Variants in PHF2 observed in about 807,000 individuals in gnomAD.
PHF2 encodes the protein lysine-specific demethylase PHF2.
A neutral mutation model predicts 120.5 loss-of-function variants in PHF2; 27 were observed. That is an observed-to-expected ratio of 0.22 (90% CI 0.17 to 0.31). The LOEUF is 0.31. Among genes scored for constraint, PHF2 ranks in the 10% least tolerant of loss-of-function variants. PHF2 has a pLI of 1.00. For synonymous variants in PHF2, 568 were observed against 592.5 expected (o/e 0.96, Z 0.60); for missense variants, 1,024 against 1,434.8 (o/e 0.71, Z 4.63).
At chr9:93,605,505 A>G (rs546861499) in intron 1 of PHF2, among the ~76,000 whole-genome samples, 1 of 152,340 alleles carries the variant, frequency 6.6e-6, no homozygotes, top group Non-Finnish European at 1.5e-5. Context: ...CTGCCTATCC[A>G]TCCCTCCCAG....
intron 19 of PHF2, 50 bp downstream of exon 19, chr9:93,675,072 C>CT: frequency 6.9e-7 from 1 of 1,444,296 alleles, no homozygotes; most frequent in Non-Finnish European, 9.7e-7. Flanking sequence ...AGTGTGGAAG[C>CT]TGTGACTTTG....
At chr9:93,614,376 C>A (rs917091204) in intron 1 of PHF2, among the ~76,000 whole-genome samples, 1 of 152,220 alleles carries the variant, frequency 6.6e-6, no homozygotes, top group Non-Finnish European at 1.5e-5. Flanking sequence ...TTCTATACCC[C>A]AGTGACTTCT....
rs149736720 is a variant in PHF2, at chr9:93,676,722, C to CCCTGCTTCCACCACA, written c.2963_2964insTGCTTCCACCACACC (p.Thr992_Thr996dup). The CCCTGCTTCCACCACA allele has an allele frequency of 5.8e-5, 90 of 1,552,466 alleles. No homozygotes were observed. Among genetic ancestry groups the CCCTGCTTCCACCACA allele is most frequent in the Non-Finnish European group, 7.5e-5 (86 of 1,148,250 alleles). On this transcript the variant is annotated inframe_insertion, in exon 21 of 22. Coordinates refer to ENST00000359246, the MANE Select transcript of PHF2 (RefSeq NM_005392.4). ...CCTCCACCACGCCAGCCTCTACCAC[C>CCCTGCTTCCACCACA]CCGGCCTCCACCACCCCGGCCTCCA... is the stretch of plus-strand genomic sequence containing the variant.
intron 2 of PHF2, among the ~76,000 whole-genome samples, chr9:93,632,564 T>C (rs1261205449): frequency 6.6e-6 from 1 of 152,188 alleles, no homozygotes; most frequent in African/African-American, 2.4e-5. Flanking sequence ...CAGTGCCCTC[T>C]TGCCATGTCC....
intron 1 of PHF2, among the ~76,000 whole-genome samples, chr9:93,585,871 A>C (rs561238586): frequency 2.8e-4 from 42 of 152,246 alleles, no homozygotes; most frequent in Non-Finnish European, 5.9e-4. Flanking sequence ...GGGAAGCACT[A>C]ACCAGGAACG....
At chr9:93,627,235 T>A (rs1288090928) in intron 1 of PHF2, among the ~76,000 whole-genome samples, 1 of 152,204 alleles carries the variant, frequency 6.6e-6, no homozygotes, top group Non-Finnish European at 1.5e-5. Flanking sequence ...ATATTAATAT[T>A]TTGTTATTTT....
chr9:93,653,767 C>T (rs914064717), intron 6 of PHF2, among the ~76,000 whole-genome samples: 2 of 152,180 alleles, frequency 1.3e-5, no homozygotes, highest in African/African-American at 2.4e-5. Context: ...GCCTCATCAT[C>T]GAGGCTGAGA....
rs1180381161 is a variant in PHF2 at position 93,677,714 on chromosome 9, C to T, written c.*38C>T. On this transcript the variant is annotated 3_prime_UTR_variant, in exon 22 of 22. Coordinates refer to ENST00000359246, the MANE Select transcript of PHF2 (RefSeq NM_005392.4). The surrounding 1 kb of genome is among the most constrained non-coding windows in gnomAD (Gnocchi z 4.4). The stretch of plus-strand genomic sequence containing the variant: ...CAGGATCCTTCTGCTCCGCTCAGGA[C>T]CCCCGGAGCCCCGCGAAAACATCTG... 2.0e-6 allele frequency: 3 copies of T among 1,485,844 alleles called. No individual in the cohort carries two copies. Among genetic ancestry groups the T allele is most frequent in the East Asian group, 2.3e-5 (1 of 44,144 alleles). The allele number at this position is 1,485,844 out of a possible 1,614,324, so 92.0% of individuals were successfully genotyped here.
At chr9:93,645,597 C>G in intron 3 of PHF2, 32 bp from the exon 4 acceptor site, 1 of 1,532,716 alleles carries the variant, frequency 6.5e-7, no homozygotes, top group Admixed American at 1.9e-5. Context: ...GCCTCGGGCC[C>G]AATGTGGCCT....
intron 1 of PHF2, among the ~76,000 whole-genome samples, chr9:93,622,918 A>G (rs1423933937): frequency 6.6e-6 from 1 of 152,196 alleles, no homozygotes; most frequent in Non-Finnish European, 1.5e-5. Context: ...GCACCAACCC[A>G]TAAAGGCCTG....
chr9:93,579,221 C>T (rs1289563855), intron 1 of PHF2, among the ~76,000 whole-genome samples: 1 of 152,196 alleles, frequency 6.6e-6, no homozygotes, highest in Non-Finnish European at 1.5e-5. Flanking sequence ...TCTTGTATGG[C>T]CCCGGTGGTT....
chr9:93,634,301 G>A (rs1826055422), intron 2 of PHF2, among the ~76,000 whole-genome samples: 1 of 152,146 alleles, frequency 6.6e-6, no homozygotes, highest in Non-Finnish European at 1.5e-5. Flanking sequence ...TGAGGCTTAG[G>A]ATTGTTGGGG....
intron 1 of PHF2, among the ~76,000 whole-genome samples, chr9:93,582,080 G>A (rs959359452): frequency 3.9e-5 from 6 of 152,120 alleles, no homozygotes; most frequent in African/African-American, 1.4e-4. Flanking sequence ...TTCCCACGTC[G>A]ACTGCGAGGG....
intron 17 of PHF2, among the ~76,000 whole-genome samples, chr9:93,670,398 G>A (rs1374377402): frequency 1.3e-5 from 2 of 152,236 alleles, no homozygotes; most frequent in African/African-American, 4.8e-5. Context: ...TGGTGGGGAA[G>A]CCTGGGGCAC....
chr9:93,590,866 T>A (rs559880614), intron 1 of PHF2, among the ~76,000 whole-genome samples: 1 of 152,352 alleles, frequency 6.6e-6, no homozygotes, highest in South Asian at 2.1e-4. Context: ...CCTATGGCCC[T>A]GGCACACATG....
chr9:93,671,563 G>T (rs10992851), intron 17 of PHF2, among the ~76,000 whole-genome samples: 4 of 106,690 alleles, frequency 3.7e-5, no homozygotes, highest in South Asian at 3.5e-4. Context: ...TGGGAGTAGG[G>T]TCAGGTGTAG....
intron 5 of PHF2, among the ~76,000 whole-genome samples, chr9:93,649,641 C>T (rs1243945456): frequency 6.6e-6 from 1 of 151,494 alleles, no homozygotes; most frequent in African/African-American, 2.4e-5. Flanking sequence ...TTCACGCTTA[C>T]TCATGGACAC....
chr9:93,643,427 A>G (rs1826200774), intron 3 of PHF2, among the ~76,000 whole-genome samples: 1 of 152,050 alleles, frequency 6.6e-6, no homozygotes, highest in African/African-American at 2.4e-5. Flanking sequence ...CGAGCTTCCC[A>G]CACGGTTGCC....
At chr9:93,603,799 C>A (rs1169706493) in intron 1 of PHF2, among the ~76,000 whole-genome samples, 2 of 152,216 alleles carry the variant, frequency 1.3e-5, no homozygotes, top group Non-Finnish European at 2.9e-5. Flanking sequence ...GGACCAGCCC[C>A]AGCATCGCCT....
Sources: gnomAD v4.1 joint callset for allele counts (sites outside exome capture counted in the v4.1 genomes callset) on GRCh38, gnomAD v4.1.1 for gene constraint, Gnocchi (gnomAD v3.1) non-coding constraint, MANE v1.5 for transcripts, NCBI Gene and HGNC (gene_info 2026-07-23, HGNC 2026-07-21) for gene names.